Variants in GPRASP1 observed in about 807,000 individuals in gnomAD.
GPRASP1 encodes the protein G protein-coupled receptor-associated sorting protein 1.
GPRASP1 carries 28 observed loss-of-function variants against 68.4 expected under a neutral mutation model. The ratio of observed to expected loss-of-function variants is 0.41; its 90% CI spans 0.30 to 0.56. The LOEUF (loss-of-function observed/expected upper bound fraction) is 0.56, where lower values mean the gene tolerates loss of function less well. Among genes scored for constraint, GPRASP1 ranks in the 20% least tolerant of loss-of-function variants. The probability of loss-of-function intolerance (pLI) is 0.29; values close to 1 mark genes in which losing one functional copy is unlikely to be tolerated. For missense variants in GPRASP1, 913 were observed against 1,031.5 expected (o/e 0.89, Z 1.57); for synonymous variants, 304 against 358.2 (o/e 0.85, Z 1.71).
rs1465627060 is a variant in GPRASP1, at chrX:102,653,716, A to C, written c.-198A>C. Reference sequence around the variant, plus strand: ...GTTCTACACTCTATCTGTATTATTGAATTACTGACTGAGACTGTGTTTGGG... The same window carrying C: ...GTTCTACACTCTATCTGTATTATTGCATTACTGACTGAGACTGTGTTTGGG... On this transcript the variant is annotated 5_prime_UTR_variant, in exon 6 of 6. Coordinates refer to ENST00000537097, the MANE Select transcript of GPRASP1 (RefSeq NM_001184727.2). 1 of 429,117 alleles carries C rather than the reference A, an allele frequency of 2.3e-6. No individual in the cohort carries two copies. The highest frequency in any genetic ancestry group is 4.1e-6 in the Non-Finnish European group (1 of 245,528). The allele number at this position is 429,117 out of a possible 1,213,427, so 35.4% of individuals were successfully genotyped here. A position where few individuals can be genotyped will look rare whatever the true frequency, so the allele number is the denominator to read the frequency against.
rs751429906 is a variant in GPRASP1, at chrX:102,657,973, G to C, written c.4060G>C (p.Val1354Leu). 2.5e-6 allele frequency: 3 copies of C among 1,179,207 alleles called. No individual in the cohort carries two copies. Among genetic ancestry groups the C allele is most frequent in the East Asian group, 5.9e-5 (2 of 33,722 alleles). Residue 1354 changes from valine to leucine, a missense_variant, in exon 6 of 6, where the codon GTG becomes CTG. Transcript: ENST00000537097. The part of the protein sequence containing the change: ...NIGNNIKKET[V>L]FSDDDFNIEP... ...TGGCAACAATATCAAAAAAGAAACA[G>C]TGTTCTCTGATGATGATTTCAATAT...
At position 102,657,624 on chromosome X, in the gene GPRASP1, A is replaced by C; in HGVS notation, c.3711A>C (p.Ile1237=). 1 of 1,210,360 alleles carries C rather than the reference A, an allele frequency of 8.3e-7. No homozygotes were observed. Among genetic ancestry groups the C allele is most frequent in the Non-Finnish European group, 1.1e-6 (1 of 894,174 alleles). The change falls in exon 6 of 6, where the codon ATA becomes ATC. Residue 1237 remains isoleucine (I), a synonymous_variant. Coordinates refer to ENST00000537097, the MANE Select transcript of GPRASP1 (RefSeq NM_001184727.2). ...ATCTAAACATAATTCAGACATACAT[A>C]TGTAAAGTGTGTGAGGAAACCCTTG... ...YPNLNIIQTY[I]CKVCEETLAY...
chrX:102,653,173 G>T (rs1318186384), intron 4 of GPRASP1, 48 bp from the exon 5 acceptor site: 2 of 111,750 alleles, frequency 1.8e-5, no homozygotes, highest in East Asian at 2.8e-4. Context: ...CAGAGTGCTT[G>T]CCTATCTACC....
At position 102,654,995 on chromosome X, in the gene GPRASP1, A is replaced by G; in HGVS notation, c.1082A>G (p.Glu361Gly). ...IKKESCFWPE[E>G]NANTFSRPMI... ...AAAGAGTCCTGTTTCTGGCCTGAAGAAAATGCTAATACCTTTTCAAGGCCC... is the reference window on the plus strand; with the variant it reads ...AAAGAGTCCTGTTTCTGGCCTGAAGGAAATGCTAATACCTTTTCAAGGCCC... Residue 361 changes from glutamate to glycine, a missense_variant, in exon 6 of 6, where the codon GAA becomes GGA. Glu to Gly is a moderately conservative substitution (Grantham distance 98). Transcript: ENST00000537097. 1 of 1,211,782 alleles carries G rather than the reference A, an allele frequency of 8.3e-7. No individual in the cohort carries two copies. The highest frequency in any genetic ancestry group is 1.1e-6 in the Non-Finnish European group (1 of 895,115).
Position 102,655,393 on chromosome X carries a change from G to T in GPRASP1, c.1480G>T (p.Glu494Ter). ...TGAATCTATACTAGCAGCTGATGATGAACAGGTCATTATTGGTTCCTGGTT... is the reference window on the plus strand; with the variant it reads ...TGAATCTATACTAGCAGCTGATGATTAACAGGTCATTATTGGTTCCTGGTT... Reference protein sequence around the residue: ...TSESILAADDEQVIIGSWFWA... With the variant: ...TSESILAADD The change falls in exon 6 of 6, where the codon GAA (glutamate) becomes TAA (stop). Residue 494 changes from glutamate (E) to a stop codon, truncating the protein, a stop_gained. Coordinates refer to ENST00000537097, the MANE Select transcript of GPRASP1 (RefSeq NM_001184727.2). LOFTEE classifies it high-confidence loss of function. The T allele has an allele frequency of 8.3e-7, 1 of 1,211,867 alleles. No homozygotes were observed. The highest frequency in any genetic ancestry group is 1.1e-6 in the Non-Finnish European group (1 of 895,495).
In GPRASP1 at chrX:102,657,666, C is replaced by T; in HGVS notation, c.3753C>T (p.Ser1251=). ...CEETLAYSVD[S]PEQLSGIRMI... is the part of the protein sequence containing the mutation. ...AAACCCTTGCTTATAGCGTGGATTC[C>T]CCGGAACAGCTGTCTGGAATAAGGA... The change falls in exon 6 of 6, where the codon TCC becomes TCT. Residue 1251 remains serine (S), a synonymous_variant. Transcript: ENST00000537097. The T allele has an allele frequency of 8.3e-7, 1 of 1,210,937 alleles. No homozygotes were observed. Among genetic ancestry groups the T allele is most frequent in the Non-Finnish European group, 1.1e-6 (1 of 894,798 alleles).
At position 102,657,204 on chromosome X, in the gene GPRASP1, TC is replaced by T. The variant is rs764076240; in HGVS notation, c.3292del (p.Gln1098ArgfsTer52). 1 of 1,211,272 alleles carries T rather than the reference TC, an allele frequency of 8.3e-7. No homozygotes were observed. Among genetic ancestry groups the T allele is most frequent in the South Asian group, 1.8e-5 (1 of 56,959 alleles). On this transcript the variant is annotated frameshift_variant, in exon 6 of 6. Transcript: ENST00000537097. LOFTEE classifies it high-confidence loss of function. ...NMVLSPEGED[Q>X]ESLLQPDQPS... ...TGGTACTTAGCCCAGAAGGGGAAGA[TC>T]AGGAATCTTTGCTTCAGCCTGATCA...
Position 102,654,700 on chromosome X carries a change from T to C in GPRASP1, c.787T>C (p.Phe263Leu), listed in dbSNP as rs1003156794. 2.5e-6 allele frequency: 3 copies of C among 1,211,560 alleles called. No homozygotes were observed. The highest frequency in any genetic ancestry group is 3.4e-6 in the Non-Finnish European group (3 of 895,148). Reference protein sequence around the residue: ...SEDESVKTPWFWARDKTNTWS... With the variant: ...SEDESVKTPWLWARDKTNTWS... The stretch of plus-strand genomic sequence containing the variant: ...GGATGAGTCTGTTAAGACACCCTGG[T>C]TCTGGGCCAGAGATAAAACCAATAC... The change falls in exon 6 of 6, where the codon TTC (phenylalanine) becomes CTC (leucine). Residue 263 changes from phenylalanine (F) to leucine (L), a missense_variant. Physicochemically the swap from Phe to Leu is conservative, Grantham distance 22. Coordinates refer to ENST00000537097, the MANE Select transcript of GPRASP1 (RefSeq NM_001184727.2).
chrX:102,656,723 T>C lies in GPRASP1; in HGVS notation c.2810T>C (p.Val937Ala). The C allele has an allele frequency of 8.3e-7, 1 of 1,211,441 alleles. No homozygotes were observed. The highest frequency in any genetic ancestry group is 1.8e-5 in the South Asian group (1 of 56,989). Residue 937 changes from valine (V) to alanine (A), a missense_variant, in exon 6 of 6, where the codon GTT becomes GCT. Physicochemically the swap from Val to Ala is moderately conservative, Grantham distance 64. Transcript: ENST00000537097. ...SKPEDDEEMI[V>A]ESWFWSRDKA... The stretch of plus-strand genomic sequence containing the variant: ...CCAGAGGATGATGAAGAGATGATTG[T>C]TGAGTCCTGGTTCTGGTCTAGAGAC...
At position 102,654,095 on chromosome X, in the gene GPRASP1, GAGCAAGCACCAA is replaced by G. The variant is rs2081382474; in HGVS notation, c.185_196del (p.Ala62_Lys65del). The G allele has an allele frequency of 8.3e-7, 1 of 1,211,016 alleles. No individual in the cohort carries two copies. The highest frequency in any genetic ancestry group is 2.2e-5 in the Admixed American group (1 of 45,945). ...AAGAATAAGTCCAAGGTTATGCCTG[GAGCAAGCACCAA>G]AGTTGAGACAAGTGCAGTGGGTGGG... On this transcript the variant is annotated inframe_deletion, in exon 6 of 6. Coordinates refer to ENST00000537097, the MANE Select transcript of GPRASP1 (RefSeq NM_001184727.2).
rs1301227787 is a variant in GPRASP1 at position 102,654,946 on chromosome X, C to T, written c.1033C>T (p.Pro345Ser). Residue 345 changes from proline to serine, a missense_variant, in exon 6 of 6, where the codon CCT (proline) becomes TCT (serine). By Grantham distance (74) the Pro-to-Ser change is moderately conservative (BLOSUM62 -1). Coordinates refer to ENST00000537097, the MANE Select transcript of GPRASP1 (RefSeq NM_001184727.2). The stretch of plus-strand genomic sequence containing the variant: ...GCGAGAAGCTTGCATTGATTTCATG[C>T]CTGGGTCTATAGATGTAATTAAAAA... ...AKREACIDFM[P>S]GSIDVIKKES... 3 of 1,210,753 alleles carry T rather than the reference C, an allele frequency of 2.5e-6. No individual in the cohort carries two copies. In the Admixed American group the frequency reaches 6.5e-5, roughly 26 times the overall value.
rs200972610 is a variant in GPRASP1, at chrX:102,655,884, G to A, written c.1971G>A (p.Gly657=). ...AAGAAGAGGTCAGTATGAAGCATGG[G>A]ACTGGTGTCAGATGCAGATTTATGG... is the stretch of plus-strand genomic sequence containing the variant. ...GAKEEVSMKH[G]TGVRCRFMAG... Residue 657 remains glycine (G), a synonymous_variant, in exon 6 of 6, where the codon GGG becomes GGA. Coordinates refer to ENST00000537097, the MANE Select transcript of GPRASP1 (RefSeq NM_001184727.2). 73 of 1,209,882 alleles carry A rather than the reference G, an allele frequency of 6.0e-5. No homozygotes were observed. In the Admixed American group the frequency reaches 1.1e-3, roughly 19 times the overall value.
chrX:102,653,683 T>C lies in GPRASP1; in HGVS notation c.-231T>C, dbSNP rs769006361. The C allele has an allele frequency of 8.2e-6, 3 of 364,899 alleles. No individual in the cohort carries two copies. The highest frequency in any genetic ancestry group is 1.4e-5 in the Non-Finnish European group (3 of 210,252). The allele number at this position is 364,899 out of a possible 1,213,427, so 30.1% of individuals were successfully genotyped here. A position where few individuals can be genotyped will look rare whatever the true frequency, so the allele number is the denominator to read the frequency against. ...AAATCTCTGTCTTCCTCAAGCTTGG[T>C]TGTGCCTGTTCTACACTCTATCTGT... On this transcript the variant is annotated 5_prime_UTR_variant, in exon 6 of 6. Coordinates refer to ENST00000537097, the MANE Select transcript of GPRASP1 (RefSeq NM_001184727.2).
rs2081428278 is a variant in GPRASP1 at position 102,657,657 on chromosome X, C to T, written c.3744C>T (p.Ser1248=). 3.3e-6 allele frequency: 4 copies of T among 1,209,129 alleles called. No individual in the cohort carries two copies. Among genetic ancestry groups the T allele is most frequent in the Middle Eastern group, 2.3e-4 (1 of 4,347 alleles). The change falls in exon 6 of 6, where the codon AGC becomes AGT. Residue 1248 remains serine (S), a synonymous_variant. Coordinates refer to ENST00000537097, the MANE Select transcript of GPRASP1 (RefSeq NM_001184727.2). ...TGTGTGAGGAAACCCTTGCTTATAG[C>T]GTGGATTCCCCGGAACAGCTGTCTG... ...CKVCEETLAY[S]VDSPEQLSGI... is the part of the protein sequence containing the mutation.
Position 102,657,661 on chromosome X carries a change from G to T in GPRASP1, c.3748G>T (p.Asp1250Tyr). 5.0e-6 allele frequency: 6 copies of T among 1,211,293 alleles called. No homozygotes were observed. The highest frequency in any genetic ancestry group is 6.7e-6 in the Non-Finnish European group (6 of 894,997). Residue 1250 changes from aspartate to tyrosine, a missense_variant, in exon 6 of 6, where the codon GAT (aspartate) becomes TAT (tyrosine). Asp to Tyr is a radical substitution (Grantham distance 160). Transcript: ENST00000537097. Reference protein sequence around the residue: ...VCEETLAYSVDSPEQLSGIRM... With the variant: ...VCEETLAYSVYSPEQLSGIRM... ...TGAGGAAACCCTTGCTTATAGCGTG[G>T]ATTCCCCGGAACAGCTGTCTGGAAT...
Position 102,657,290 on chromosome X carries a change from G to T in GPRASP1, c.3377G>T (p.Arg1126Leu), listed in dbSNP as rs753504960. 9 of 1,210,692 alleles carry T rather than the reference G, an allele frequency of 7.4e-6. No homozygotes were observed. The highest frequency in any genetic ancestry group is 1.0e-5 in the Non-Finnish European group (9 of 894,720). ...DPSYRSVQEI[R>L]EHLRAKESTE... Reference sequence around the variant, plus strand: ...TCCTACAGGTCAGTCCAGGAAATTCGAGAGCATCTTAGGGCCAAGGAGAGT... The same window carrying T: ...TCCTACAGGTCAGTCCAGGAAATTCTAGAGCATCTTAGGGCCAAGGAGAGT... The change falls in exon 6 of 6, where the codon CGA becomes CTA. Residue 1126 changes from arginine to leucine, a missense_variant. Transcript: ENST00000537097.
rs1385358601 is a variant in GPRASP1 at position 102,652,160 on chromosome X, CT to C, written c.-571-14del. ...ACAGACTCCAGGTTGATGTCAAAGT[CT>C]GTCTGCGCGGTAGGTCTGGCGTATT... On this transcript the variant is annotated splice_polypyrimidine_tract_variant and intron_variant, in intron 2 of 5. Coordinates refer to ENST00000537097, the MANE Select transcript of GPRASP1 (RefSeq NM_001184727.2). 1 of 112,972 alleles carries C rather than the reference CT, an allele frequency of 8.9e-6. No individual in the cohort carries two copies. Among genetic ancestry groups the C allele is most frequent in the Non-Finnish European group, 1.9e-5 (1 of 53,349 alleles). The allele number at this position is 112,972 out of a possible 1,213,427, so 9.3% of individuals were successfully genotyped here. A position where few individuals can be genotyped will look rare whatever the true frequency, so the allele number is the denominator to read the frequency against.
At position 102,654,044 on chromosome X, in the gene GPRASP1, C is replaced by G; in HGVS notation, c.131C>G (p.Ala44Gly). 8.3e-7 allele frequency: 1 copy of G among 1,211,812 alleles called. No homozygotes were observed. Among genetic ancestry groups the G allele is most frequent in the Non-Finnish European group, 1.1e-6 (1 of 895,350 alleles). ...LVVRPKVRTQ[A>G]QIMPGARPKN... Reference sequence around the variant, plus strand: ...GTCAGACCCAAGGTTAGGACCCAGGCCCAGATAATGCCTGGGGCAAGGCCC... The same window carrying G: ...GTCAGACCCAAGGTTAGGACCCAGGGCCAGATAATGCCTGGGGCAAGGCCC... Residue 44 changes from alanine (A) to glycine (G), a missense_variant, in exon 6 of 6, where the codon GCC becomes GGC. Coordinates refer to ENST00000537097, the MANE Select transcript of GPRASP1 (RefSeq NM_001184727.2).
chrX:102,657,147 C>A lies in GPRASP1; in HGVS notation c.3234C>A (p.Phe1078Leu). ...TTCCGAAAGAGGCAGCATCTTTATT[C>A]TGTGAAATGTTTGGGGGCAAACCCA... ...FRFPKEAASL[F>L]CEMFGGKPRN... Residue 1078 changes from phenylalanine (F) to leucine (L), a missense_variant, in exon 6 of 6, where the codon TTC (phenylalanine) becomes TTA (leucine). Phe to Leu is a conservative substitution (Grantham distance 22). Coordinates refer to ENST00000537097, the MANE Select transcript of GPRASP1 (RefSeq NM_001184727.2). 1 of 1,209,379 alleles carries A rather than the reference C, an allele frequency of 8.3e-7. No homozygotes were observed. The highest frequency in any genetic ancestry group is 1.1e-6 in the Non-Finnish European group (1 of 893,359).
Sources: gnomAD v4.1 joint callset for allele counts on GRCh38, gnomAD v4.1.1 for gene constraint, MANE v1.5 for transcripts, NCBI Gene and HGNC (gene_info 2026-07-23, HGNC 2026-07-21) for gene names.